Variants in REV3L observed in about 807,000 individuals in gnomAD.
REV3L encodes REV3 like, DNA directed polymerase zeta catalytic subunit.
In REV3L, 69 loss-of-function variants were observed where a neutral mutation model predicts 299.4. The ratio of observed to expected loss-of-function variants is 0.23; its 90% CI spans 0.19 to 0.28. REV3L has a LOEUF of 0.28. Among genes scored for constraint, REV3L ranks in the 10% least tolerant of loss-of-function variants. The pLI, the probability that REV3L is intolerant of heterozygous loss-of-function variation, is 1.00. For synonymous variants in REV3L, 1,238 were observed against 1,271.4 expected (o/e 0.97, Z 0.56); for missense variants, 3,128 against 3,693.8 (o/e 0.85, Z 3.97).
chr6:111,309,770 G>C (rs1772755505), intron 30 of REV3L, 83 bp downstream of exon 30: 1 of 1,465,920 alleles, frequency 6.8e-7, no homozygotes, highest in Non-Finnish European at 9.3e-7. Context: ...CATATCAATA[G>C]CACATAAAAC....
chr6:111,363,900 A>C lies in REV3L; in HGVS notation c.6832T>G (p.Phe2278Val). 6.2e-7 allele frequency: 1 copy of C among 1,613,452 alleles called. No individual in the cohort carries two copies. Among genetic ancestry groups the C allele is most frequent in the Non-Finnish European group, 8.5e-7 (1 of 1,179,666 alleles). ...DGPSLNNTYG[F>V]KVSIQNLQEA... ...TGTAAGTTTTGTATGCTGACTTTGA[A>C]ACCGTAAGTATTGTTTAAAGATGGT... The change falls in exon 16 of 32, where the codon TTC becomes GTC. Residue 2278 changes from phenylalanine to valine, a missense_variant. By Grantham distance (50) the Phe-to-Val change is conservative. Coordinates refer to ENST00000368802, the MANE Select transcript of REV3L (RefSeq NM_001372078.1).
At chr6:111,364,593 T>C (rs1364002321) in intron 15 of REV3L, among the ~76,000 whole-genome samples, 5 of 152,050 alleles carry the variant, frequency 3.3e-5, no homozygotes, top group East Asian at 1.9e-4. Context: ...CAGTATTTTA[T>C]AAATGAAAGT....
chr6:111,428,353 A>C (rs1786444850), intron 1 of REV3L, among the ~76,000 whole-genome samples: 1 of 152,190 alleles, frequency 6.6e-6, no homozygotes. Flanking sequence ...GAAATTTAGC[A>C]AGGAGATCAA....
chr6:111,299,974 C>T lies in REV3L; in HGVS notation c.*42G>A. On this transcript the variant is annotated 3_prime_UTR_variant, in exon 32 of 32. Coordinates refer to ENST00000368802, the MANE Select transcript of REV3L (RefSeq NM_001372078.1). The stretch of plus-strand genomic sequence containing the variant: ...CCATGCACAACAGTTTAGTGGTAAG[C>T]ACTGAAAAAAATAGCACCTGTAATA... 1 of 1,580,972 alleles carries T rather than the reference C, an allele frequency of 6.3e-7. No homozygotes were observed. The highest frequency in any genetic ancestry group is 8.6e-7 in the Non-Finnish European group (1 of 1,163,094).
chr6:111,460,270 G>A (rs1790602872), intron 1 of REV3L: 1 of 152,116 alleles, frequency 6.6e-6, no homozygotes, highest in African/African-American at 2.4e-5. Flanking sequence ...AATACAAGAT[G>A]GGAGAGGGAG....
intron 1 of REV3L, among the ~76,000 whole-genome samples, chr6:111,455,046 T>C (rs1036002802): frequency 1.3e-5 from 2 of 152,142 alleles, no homozygotes; most frequent in Non-Finnish European, 2.9e-5. Flanking sequence ...TCTGCCCTCA[T>C]GAAACGCACA....
At chr6:111,422,399 A>G (rs1027801797) in intron 1 of REV3L, among the ~76,000 whole-genome samples, 1 of 151,760 alleles carries the variant, frequency 6.6e-6, no homozygotes, top group Non-Finnish European at 1.5e-5. Flanking sequence ...TGTTCTTTAT[A>G]GAAAAAGTTT....
In REV3L at chr6:111,320,460, A is replaced by C. The variant is rs139961373; in HGVS notation, c.8351+2109T>G. 5.8e-4 allele frequency among the ~76,000 whole-genome samples: 89 copies of C among 152,302 alleles called. No individual in the cohort carries two copies. The East Asian group carries it at 6.7e-3, about 12-fold the overall frequency. On this transcript the variant is annotated intron_variant, in intron 26 of 31. Coordinates refer to ENST00000368802, the MANE Select transcript of REV3L (RefSeq NM_001372078.1). ...TTATTGTCCTTCCAAGGAAAAAAAA[A>C]CACAAATTTAAATTATATTTAACAA...
At chr6:111,414,891 ATT>A (rs17510555) in intron 2 of REV3L, among the ~76,000 whole-genome samples, 2 of 151,924 alleles carry the variant, frequency 1.3e-5, no homozygotes, top group Non-Finnish European at 2.9e-5. Flanking sequence ...AAGCCACACT[ATT>A]TTCTTTTTTG....
intron 18 of REV3L, among the ~76,000 whole-genome samples, chr6:111,355,074 T>C (rs1461856958): frequency 1.3e-5 from 2 of 152,130 alleles, no homozygotes; most frequent in African/African-American, 4.8e-5. Context: ...GTGAAGTTAA[T>C]AGTCCAAGGA....
chr6:111,374,847 C>T lies in REV3L; in HGVS notation c.3508G>A (p.Ala1170Thr), dbSNP rs200868241. Residue 1170 changes from alanine (A) to threonine (T), a missense_variant, in exon 13 of 32, where the codon GCA becomes ACA. Ala to Thr is a moderately conservative substitution (Grantham distance 58). Around this residue, in one of 9 missense-constraint regions of REV3L, gnomAD observed 2,409 missense variants for 2,611.8 expected, o/e 0.92. Coordinates refer to ENST00000368802, the MANE Select transcript of REV3L (RefSeq NM_001372078.1). ...TTTGATTTCTTAATCTGTGCTCTTG[C>T]GCGACTAGTTTTTCCTATACGAGAA... The part of the protein sequence containing the change: ...VNSRIGKTSR[A>T]RAQIKKSKAK... 5.4e-5 allele frequency: 87 copies of T among 1,613,642 alleles called. No homozygotes were observed. The highest frequency in any genetic ancestry group is 2.0e-4 in the South Asian group (18 of 91,018).
intron 1 of REV3L, chr6:111,430,230 C>G (rs1470870602): frequency 1.5e-5 from 13 of 842,132 alleles, no homozygotes; most frequent in Non-Finnish European, 2.1e-5. Context: ...ACAGATACCC[C>G]ACCCCTTCAA....
chr6:111,455,210 G>C (rs183785643), intron 1 of REV3L, among the ~76,000 whole-genome samples: 41 of 152,100 alleles, frequency 2.7e-4, no homozygotes, highest in Middle Eastern at 3.4e-3. Flanking sequence ...TGATGTCTCA[G>C]GACAGTCTTG....
Position 111,389,091 on chromosome 6 carries a change from C to A in REV3L, c.862+15G>T, listed in dbSNP as rs1224578259. ...TTGATTTAAAAGAATAATCAGAGCACTATTAGGTTTATACCTTGTGACTCA... is the reference window on the plus strand; with the variant it reads ...TTGATTTAAAAGAATAATCAGAGCAATATTAGGTTTATACCTTGTGACTCA... On this transcript the variant is annotated intron_variant, in intron 7 of 31. Transcript: ENST00000368802. 6.4e-7 allele frequency: 1 copy of A among 1,566,078 alleles called. No individual in the cohort carries two copies. Among genetic ancestry groups the A allele is most frequent in the Non-Finnish European group, 8.8e-7 (1 of 1,137,076 alleles).
chr6:111,443,813 T>C (rs1788544611), intron 1 of REV3L, among the ~76,000 whole-genome samples: 1 of 152,240 alleles, frequency 6.6e-6, no homozygotes, highest in African/African-American at 2.4e-5. Context: ...CATTCAGCCA[T>C]AGGCTGTTCA....
chr6:111,373,697 T>C lies in REV3L; in HGVS notation c.4658A>G (p.Asn1553Ser), dbSNP rs753968404. Residue 1553 changes from asparagine (N) to serine (S), a missense_variant, in exon 13 of 32, where the codon AAT becomes AGT. Physicochemically the swap from Asn to Ser is conservative, Grantham distance 46. Transcript: ENST00000368802. ...NANTTQDPLS[N>S]KHQPNKNISG... is the part of the protein sequence containing the mutation. ...AATATTTTTATTTGGTTGATGTTTA[T>C]TGGATAATGGGTCTTGTGTAGTATT... is the stretch of plus-strand genomic sequence containing the variant. 6.8e-5 allele frequency: 110 copies of C among 1,613,876 alleles called. No homozygotes were observed. Among genetic ancestry groups the C allele is most frequent in the Non-Finnish European group, 9.0e-5 (106 of 1,179,984 alleles).
At chr6:111,453,071 G>C (rs1789745905) in intron 1 of REV3L, among the ~76,000 whole-genome samples, 1 of 151,938 alleles carries the variant, frequency 6.6e-6, no homozygotes, top group Non-Finnish European at 1.5e-5. Context: ...TTCTAAAAGA[G>C]ACCTTCATCA....
chr6:111,314,868 T>TA (rs1277337143), intron 27 of REV3L, among the ~76,000 whole-genome samples: 2 of 150,998 alleles, frequency 1.3e-5, no homozygotes, highest in African/African-American at 4.9e-5. Flanking sequence ...TTTTTTTTTT[T>TA]AGAGACAGGG....
chr6:111,442,580 GAAT>G (rs1251107529), intron 1 of REV3L, among the ~76,000 whole-genome samples: 5 of 152,226 alleles, frequency 3.3e-5, no homozygotes, highest in African/African-American at 9.6e-5. Context: ...TTTTAAGTTA[GAAT>G]AATAAGTCCA....
Sources: allele counts gnomAD v4.1 joint callset (sites outside exome capture counted in the v4.1 genomes callset), GRCh38; gene constraint gnomAD v4.1.1; regional missense constraint gnomAD v4.1.1; transcripts MANE v1.5; gene names NCBI Gene and HGNC (gene_info 2026-07-23, HGNC 2026-07-21).